The following RSU1 variants were observed in gnomAD, a reference collection of about 807,000 sequenced individuals.
RSU1 encodes rsu-1.
Under a neutral mutation model 31.1 loss-of-function variants are expected in RSU1, and 26 were observed. The observed-to-expected ratio is 0.84, with a 90% CI of 0.61 to 1.16. The LOEUF (loss-of-function observed/expected upper bound fraction) is 1.16. Ranked by LOEUF, RSU1 falls within the 50% of genes most tolerant of loss-of-function variation. RSU1 has a pLI of 0.00. For missense variants in RSU1, 320 were observed against 339.1 expected (o/e 0.94, Z 0.44); for synonymous variants, 164 against 136.3 (o/e 1.20, Z -1.41).
At chr10:16,638,662 C>G (rs928263941) in intron 8 of RSU1, among the ~76,000 whole-genome samples, 6 of 152,242 alleles carry the variant, frequency 3.9e-5, no homozygotes, top group African/African-American at 1.4e-4. Context: ...CTTTGCAAAC[C>G]CTAAGCTAAA....
Position 16,592,247 on chromosome 10 carries a change from C to G in RSU1, c.*1147G>C, listed in dbSNP as rs1176029690. ...CCTCTCCCAGGCCATTTGACTCTCC[C>G]AGGCCATTTGAAAAGACGGTGCATC... On this transcript the variant is annotated 3_prime_UTR_variant, in exon 9 of 9. Coordinates refer to ENST00000345264, the MANE Select transcript of RSU1 (RefSeq NM_012425.4). 6.6e-6 allele frequency: 1 copy of G among 152,156 alleles called. No homozygotes were observed. Among genetic ancestry groups the G allele is most frequent in the Admixed American group, 6.6e-5 (1 of 15,264 alleles). 9.4% of individuals were successfully genotyped at this position (152,156 alleles called of 1,614,324 possible). A position where few individuals can be genotyped will look rare whatever the true frequency, so the allele number is the denominator to read the frequency against.
At chr10:16,623,046 T>A (rs1003777267) in intron 8 of RSU1, among the ~76,000 whole-genome samples, 1 of 152,128 alleles carries the variant, frequency 6.6e-6, no homozygotes, top group Non-Finnish European at 1.5e-5. Context: ...TTCCCCCAAC[T>A]TTCATTTTAG....
intron 3 of RSU1, among the ~76,000 whole-genome samples, chr10:16,775,116 T>C (rs1239400566): frequency 6.6e-6 from 1 of 152,224 alleles, no homozygotes; most frequent in African/African-American, 2.4e-5. Flanking sequence ...CCTCTTAGTG[T>C]ATCTCCTCTA....
chr10:16,630,946 G>C (rs1473759421), intron 8 of RSU1, among the ~76,000 whole-genome samples: 1 of 152,194 alleles, frequency 6.6e-6, no homozygotes, highest in East Asian at 1.9e-4. Context: ...CTGCGAGCAA[G>C]GGTTTGGGTA....
chr10:16,735,256 T>C (rs891328992), intron 7 of RSU1, among the ~76,000 whole-genome samples: 4 of 152,296 alleles, frequency 2.6e-5, no homozygotes, highest in African/African-American at 4.8e-5. Context: ...AGAATAAAGA[T>C]GAAAATGGTC....
At chr10:16,604,581 G>T (rs892036074) in intron 8 of RSU1, among the ~76,000 whole-genome samples, 1 of 152,108 alleles carries the variant, frequency 6.6e-6, no homozygotes, top group African/African-American at 2.4e-5. Flanking sequence ...CTCCTTAGGG[G>T]CTTCTGTTTC....
intron 2 of RSU1, among the ~76,000 whole-genome samples, chr10:16,810,882 A>G (rs1838394365): frequency 6.6e-6 from 1 of 152,074 alleles, no homozygotes; most frequent in South Asian, 2.1e-4. Context: ...ATTTGCCGGC[A>G]GTGGTGGCAT....
chr10:16,619,944 A>C (rs1834040181), intron 8 of RSU1, among the ~76,000 whole-genome samples: 1 of 152,214 alleles, frequency 6.6e-6, no homozygotes, highest in Non-Finnish European at 1.5e-5. Flanking sequence ...CAAACCAGTA[A>C]CAATCACAGG....
intron 8 of RSU1, among the ~76,000 whole-genome samples, chr10:16,614,471 A>C (rs1014978190): frequency 3.3e-5 from 5 of 152,158 alleles, no homozygotes; most frequent in African/African-American, 1.2e-4. Context: ...ACCACAAGAG[A>C]ATTGTAATCA....
intron 5 of RSU1, 24 bp from the exon 6 acceptor site, chr10:16,753,024 A>T (rs756083958): frequency 3.1e-6 from 5 of 1,591,936 alleles, no homozygotes; most frequent in Non-Finnish European, 4.3e-6. Context: ...AGCAATATAT[A>T]AACAGGGTGG....
At chr10:16,764,763 A>AG (rs1007777713) in intron 3 of RSU1, among the ~76,000 whole-genome samples, 2 of 151,974 alleles carry the variant, frequency 1.3e-5, no homozygotes, top group Non-Finnish European at 2.9e-5. Flanking sequence ...ATGGACAATG[A>AG]GGGGGGAAAC....
chr10:16,806,554 A>G (rs146267008), intron 2 of RSU1, among the ~76,000 whole-genome samples: 1 of 152,162 alleles, frequency 6.6e-6, no homozygotes, highest in Non-Finnish European at 1.5e-5. Flanking sequence ...CAGAGGGCTT[A>G]GCACAATGCC....
intron 3 of RSU1, among the ~76,000 whole-genome samples, chr10:16,776,944 G>T (rs563761895): frequency 6.6e-6 from 1 of 151,438 alleles, no homozygotes; most frequent in African/African-American, 2.4e-5. Context: ...TTTGAGATAG[G>T]GTCTTGCCCT....
intron 2 of RSU1, among the ~76,000 whole-genome samples, chr10:16,809,922 T>C (rs1322412380): frequency 2.0e-5 from 3 of 151,568 alleles, no homozygotes; most frequent in Admixed American, 6.6e-5. Flanking sequence ...AGTAGATAAT[T>C]TTAAAATTCA....
chr10:16,618,834 G>C (rs533197764), intron 8 of RSU1, among the ~76,000 whole-genome samples: 5 of 152,246 alleles, frequency 3.3e-5, no homozygotes, highest in Admixed American at 3.3e-4. Context: ...TGGTGGGGTA[G>C]GGGACAAGGA....
chr10:16,603,387 A>G (rs1365468891), intron 8 of RSU1, among the ~76,000 whole-genome samples: 2 of 152,252 alleles, frequency 1.3e-5, no homozygotes. Flanking sequence ...AAAGATGCTC[A>G]TTAAACTTCA....
intron 7 of RSU1, among the ~76,000 whole-genome samples, chr10:16,696,163 C>G (rs10904792): frequency 0.42 from 63,638 of 151,956 alleles, 13,452 homozygotes; most frequent in East Asian, 0.48. Flanking sequence ...TCAATTTTCA[C>G]ACTTCTCATC....
At chr10:16,710,869 A>G in intron 7 of RSU1, among the ~76,000 whole-genome samples, 1 of 151,980 alleles carries the variant, frequency 6.6e-6, no homozygotes, top group Non-Finnish European at 1.5e-5. Flanking sequence ...CCGTGTGTCC[A>G]TGTGTTCTCA....
In RSU1 at chr10:16,805,241, G is replaced by C. The variant is rs529451067; in HGVS notation, c.109+11732C>G. Among the ~76,000 whole-genome samples the C allele has an allele frequency of 5.9e-5, 9 of 152,044 alleles. No homozygotes were observed. The South Asian group carries it at 1.9e-3, about 32-fold the overall frequency. On this transcript the variant is annotated intron_variant, in intron 2 of 8. Coordinates refer to ENST00000345264, the MANE Select transcript of RSU1 (RefSeq NM_012425.4). Reference sequence around the variant, plus strand: ...TAATAATAATAACGCATCAATATTGGTCCAGCAATCATAGCAAACGTAACA... The same window carrying C: ...TAATAATAATAACGCATCAATATTGCTCCAGCAATCATAGCAAACGTAACA...
Sources: allele counts gnomAD v4.1 joint callset (sites outside exome capture counted in the v4.1 genomes callset), GRCh38; gene constraint gnomAD v4.1.1; transcripts MANE v1.5; gene names NCBI Gene and HGNC (gene_info 2026-07-23, HGNC 2026-07-21).